Variants in FMNL2 observed in about 807,000 individuals in gnomAD.
FMNL2 encodes the protein formin like 2, also known as formin-like protein 2.
Under a neutral mutation model 130.2 loss-of-function variants are expected in FMNL2, and 51 were observed. That is an observed-to-expected ratio of 0.39 (90% CI 0.31 to 0.49). The LOEUF (loss-of-function observed/expected upper bound fraction) is 0.49. Among genes scored for constraint, FMNL2 ranks in the 20% least tolerant of loss-of-function variants. The pLI is 0.85. For missense variants in FMNL2, 977 were observed against 1,316.2 expected (o/e 0.74, Z 3.99); for synonymous variants, 465 against 467.1 (o/e 1.00, Z 0.06).
chr2:152,518,831 C>G (rs972613388), intron 1 of FMNL2, among the ~76,000 whole-genome samples: 4 of 152,182 alleles, frequency 2.6e-5, no homozygotes, highest in Admixed American at 2.0e-4. Flanking sequence ...TGTTTCTAAT[C>G]TGTTCTCCTC....
At chr2:152,639,914 C>T (rs1394767361) in intron 23 of FMNL2, 44 bp from the exon 24 acceptor site, 1 of 1,503,076 alleles carries the variant, frequency 6.7e-7, no homozygotes, top group South Asian at 1.3e-5. Context: ...TGGCTGCTCT[C>T]ATTTCCATTA....
chr2:152,398,610 T>C (rs1375392014), intron 1 of FMNL2, among the ~76,000 whole-genome samples: 1 of 152,220 alleles, frequency 6.6e-6, no homozygotes, highest in Non-Finnish European at 1.5e-5. Context: ...ACATGAATGA[T>C]AGGTAGCATT....
intron 25 of FMNL2, among the ~76,000 whole-genome samples, chr2:152,647,221 G>GATT (rs968230395): frequency 2.0e-5 from 3 of 152,050 alleles, no homozygotes; most frequent in Non-Finnish European, 4.4e-5. Context: ...CCAGGGAATA[G>GATT]ATTATTATTT....
intron 1 of FMNL2, among the ~76,000 whole-genome samples, chr2:152,457,185 GT>G (rs1689005056): frequency 6.7e-6 from 1 of 148,530 alleles, no homozygotes; most frequent in South Asian, 2.1e-4. Flanking sequence ...GAGGGAGATG[GT>G]AAAAAAAAAA....
chr2:152,619,271 T>G (rs752208287), intron 14 of FMNL2, 113 bp downstream of exon 14: 60 of 1,358,486 alleles, frequency 4.4e-5, no homozygotes, highest in Non-Finnish European at 5.7e-5. Context: ...TCTTTAAGAA[T>G]TGGTTTTCTT....
intron 2 of FMNL2, among the ~76,000 whole-genome samples, chr2:152,532,245 AG>A (rs1465573961): frequency 1.3e-5 from 2 of 152,230 alleles, no homozygotes; most frequent in Non-Finnish European, 2.9e-5. Flanking sequence ...TCAGTAACAA[AG>A]TAAATAAATA....
chr2:152,471,873 G>T (rs1479956053), intron 1 of FMNL2, among the ~76,000 whole-genome samples: 2 of 152,080 alleles, frequency 1.3e-5, no homozygotes, highest in Non-Finnish European at 2.9e-5. Context: ...GAAAGCTTTT[G>T]AAAATTTCAA....
At chr2:152,574,862 C>T (rs186851471) in intron 6 of FMNL2, among the ~76,000 whole-genome samples, 50 of 152,246 alleles carry the variant, frequency 3.3e-4, no homozygotes, top group Admixed American at 3.0e-3. Flanking sequence ...GCTTGGGTCT[C>T]ATTGGCTGTG....
At chr2:152,405,104 G>T (rs963703231) in intron 1 of FMNL2, among the ~76,000 whole-genome samples, 1 of 152,194 alleles carries the variant, frequency 6.6e-6, no homozygotes, top group Admixed American at 6.5e-5. Context: ...GCTGTAAATT[G>T]TTGGTGGTCT....
chr2:152,367,994 T>C (rs2105846764), intron 1 of FMNL2, among the ~76,000 whole-genome samples: 1 of 152,308 alleles, frequency 6.6e-6, no homozygotes, highest in Admixed American at 6.5e-5. Flanking sequence ...ACTGAGCCAG[T>C]CTACGTATTA....
intron 9 of FMNL2, among the ~76,000 whole-genome samples, chr2:152,586,536 C>G (rs1697084757): frequency 6.6e-6 from 1 of 152,136 alleles, no homozygotes. Flanking sequence ...GATTGTAAAT[C>G]TAGCATGAGA....
In FMNL2 at chr2:152,599,630, C is replaced by A. The variant is rs549380074; in HGVS notation, c.877-7709C>A. Among the ~76,000 whole-genome samples the A allele has an allele frequency of 2.0e-5, 3 of 151,950 alleles. No homozygotes were observed. The East Asian group carries it at 5.8e-4, about 29-fold the overall frequency. ...CCAAACATCTGGATATCTGGAAACA[C>A]CTGGAAAAGTTACTGAAGTTTTCAC... On this transcript the variant is annotated intron_variant, in intron 9 of 25. Coordinates refer to ENST00000288670, the MANE Select transcript of FMNL2 (RefSeq NM_052905.4).
chr2:152,573,511 T>TA (rs374559822), intron 6 of FMNL2, among the ~76,000 whole-genome samples: 50 of 152,324 alleles, frequency 3.3e-4, no homozygotes, highest in African/African-American at 1.1e-3. Context: ...ATTTGCTATG[T>TA]AGATGTAATG....
intron 4 of FMNL2, among the ~76,000 whole-genome samples, chr2:152,556,836 C>A (rs1436992056): frequency 1.3e-5 from 2 of 152,030 alleles, no homozygotes; most frequent in African/African-American, 2.4e-5. Context: ...TCTTATGGGC[C>A]ACTGAGAATA....
At chr2:152,351,508 A>C (rs182346794) in intron 1 of FMNL2, among the ~76,000 whole-genome samples, 1 of 152,088 alleles carries the variant, frequency 6.6e-6, no homozygotes, top group African/African-American at 2.4e-5. Context: ...AGCTTCATCC[A>C]TGTCCCTGCA....
At chr2:152,542,665 T>C in intron 2 of FMNL2, 74 bp from the exon 3 acceptor site, 1 of 1,481,488 alleles carries the variant, frequency 6.7e-7, no homozygotes. Context: ...CATATTTTGG[T>C]AACATAATCT....
chr2:152,645,321 T>C (rs1683455649), intron 25 of FMNL2: 1 of 463,654 alleles, frequency 2.2e-6, no homozygotes, highest in African/African-American at 2.0e-5. Context: ...TCTCATTCTC[T>C]TCCTCTGTTG....
chr2:152,519,003 T>C (rs955848126), intron 1 of FMNL2, among the ~76,000 whole-genome samples: 8 of 152,202 alleles, frequency 5.3e-5, no homozygotes, highest in Non-Finnish European at 8.8e-5. Flanking sequence ...TTCATCTTTT[T>C]CTCATTCCTT....
intron 23 of FMNL2, among the ~76,000 whole-genome samples, chr2:152,639,072 G>T (rs1682868692): frequency 6.6e-6 from 1 of 151,914 alleles, no homozygotes; most frequent in African/African-American, 2.4e-5. Flanking sequence ...TTTCACAGCT[G>T]ATTCAGTGAA....
Sources: allele counts gnomAD v4.1 joint callset (sites outside exome capture counted in the v4.1 genomes callset), GRCh38; gene constraint gnomAD v4.1.1; transcripts MANE v1.5; gene names NCBI Gene and HGNC (gene_info 2026-07-23, HGNC 2026-07-21).